Variants in DNAH7 observed in about 807,000 individuals in gnomAD.
The protein encoded by DNAH7 is dynein axonemal heavy chain 7, also known as axonemal beta dynein heavy chain 7.
DNAH7 carries 397 observed loss-of-function variants against 444.6 expected under a neutral mutation model. The observed-to-expected ratio is 0.89, with a 90% CI of 0.82 to 0.97. DNAH7 has a LOEUF of 0.97. Ranked by LOEUF, DNAH7 falls within the 50% of genes least tolerant of loss-of-function variation. The pLI, the probability that DNAH7 is intolerant of heterozygous loss-of-function variation, is 0.00. For missense variants in DNAH7, 4,902 were observed against 4,800.8 expected (o/e 1.02, Z -0.62); for synonymous variants, 1,636 against 1,624.4 (o/e 1.01, Z -0.17).
intron 15 of DNAH7, among the ~76,000 whole-genome samples, chr2:195,975,646 AAAG>A (rs1423979033): frequency 2.6e-5 from 4 of 152,178 alleles, no homozygotes; most frequent in Non-Finnish European, 5.9e-5. Flanking sequence ...TCACTGCTCC[AAAG>A]AAGACCCCTT....
intron 20 of DNAH7, among the ~76,000 whole-genome samples, chr2:195,936,323 A>C (rs989490072): frequency 1.3e-5 from 2 of 152,120 alleles, no homozygotes; most frequent in African/African-American, 4.8e-5. Flanking sequence ...GCAGTGAGCC[A>C]AGGTCGCGCC....
intron 57 of DNAH7, among the ~76,000 whole-genome samples, chr2:195,793,257 G>A (rs1444345315): frequency 6.6e-6 from 1 of 151,982 alleles, no homozygotes. Context: ...TTTTATACTC[G>A]CATTTTTTCT....
chr2:195,868,035 T>G (rs888638434), intron 40 of DNAH7, among the ~76,000 whole-genome samples: 1 of 151,966 alleles, frequency 6.6e-6, no homozygotes, highest in Non-Finnish European at 1.5e-5. Context: ...CTGCCAGCTA[T>G]GTATGAGGGT....
At chr2:195,750,667 G>A (rs995816344) in intron 63 of DNAH7, among the ~76,000 whole-genome samples, 1 of 152,166 alleles carries the variant, frequency 6.6e-6, no homozygotes, top group African/African-American at 2.4e-5. Flanking sequence ...GAGACCTTCA[G>A]CAAGTTACTT....
rs191488112 is a variant in DNAH7 at position 195,820,777 on chromosome 2, C to T, written c.9292-2948G>A. Among the ~76,000 whole-genome samples, 77 of 152,142 alleles carry T rather than the reference C, an allele frequency of 5.1e-4. No individual in the cohort carries two copies. In the East Asian group the frequency reaches 5.4e-3, roughly 11 times the overall value. On this transcript the variant is annotated intron_variant, in intron 49 of 64. Transcript: ENST00000312428. ...GTTTTTTTAAATTAGAATTTTAATT[C>T]GAATCATAAAACATGTGAACTAGGA...
rs777572108 is a variant in DNAH7, at chr2:195,923,665, G to C, written c.3755C>G (p.Ser1252Ter). 8 of 1,613,938 alleles carry C rather than the reference G, an allele frequency of 5.0e-6. No individual in the cohort carries two copies. In the Admixed American group the frequency reaches 1.3e-4, roughly 27 times the overall value. The stretch of plus-strand genomic sequence containing the variant: ...ATCGCTAATATTTTTTTTTACAAGT[G>C]ATGAGAGGACATCTCTAGCATGGAC... Reference protein sequence around the residue: ...LDVHARDVLSSLVKKNISDDS... With the variant: ...LDVHARDVLS The change falls in exon 23 of 65, where the codon TCA becomes TGA. Residue 1252 changes from serine (S) to a stop codon, truncating the protein, a stop_gained. Transcript: ENST00000312428. LOFTEE classifies it high-confidence loss of function.
intron 24 of DNAH7, among the ~76,000 whole-genome samples, chr2:195,913,610 T>C (rs1687488386): frequency 6.6e-6 from 1 of 152,242 alleles, no homozygotes; most frequent in African/African-American, 2.4e-5. Flanking sequence ...AGTCAAAGAA[T>C]ACAGAGCCAG....
In DNAH7 at chr2:195,864,545, C is replaced by T. The variant is rs748552478; in HGVS notation, c.7110G>A (p.Gly2370=). The T allele has an allele frequency of 9.3e-6, 15 of 1,614,026 alleles. No homozygotes were observed. The East Asian group carries it at 2.9e-4, about 31-fold the overall frequency. The part of the protein sequence containing the change: ...YSVFQVEISK[G]YDTTEWHEDL... ...CTTCATGCCATTCAGTAGTATCATA[C>T]CCCTTAGAGATTTCAACTTGGAAAA... Residue 2370 remains glycine (G), a synonymous_variant, in exon 41 of 65, where the codon GGG becomes GGA. Coordinates refer to ENST00000312428, the MANE Select transcript of DNAH7 (RefSeq NM_018897.3).
At position 195,752,045 on chromosome 2, in the gene DNAH7, T is replaced by C. The variant is rs572786581; in HGVS notation, c.11764+2292A>G. On this transcript the variant is annotated intron_variant, in intron 63 of 64. Transcript: ENST00000312428. Reference sequence around the variant, plus strand: ...CAGCACTTTGGGAGCCCAAGGTGAGTGGATTCCTTGAGCTCAGGAGACTGA... The same window carrying C: ...CAGCACTTTGGGAGCCCAAGGTGAGCGGATTCCTTGAGCTCAGGAGACTGA... 1.4e-4 allele frequency among the ~76,000 whole-genome samples: 22 copies of C among 151,730 alleles called. No individual in the cohort carries two copies. In the East Asian group the frequency reaches 4.1e-3, roughly 28 times the overall value.
At chr2:195,844,350 C>G (rs768938806) in intron 47 of DNAH7, among the ~76,000 whole-genome samples, 1 of 152,048 alleles carries the variant, frequency 6.6e-6, no homozygotes, top group Non-Finnish European at 1.5e-5. Context: ...GAAAACTGGC[C>G]GAGTGATAAA....
intron 30 of DNAH7, chr2:195,892,413 T>C (rs1195894347): frequency 6.6e-6 from 1 of 151,986 alleles, no homozygotes; most frequent in Non-Finnish European, 1.5e-5. Context: ...ATTGTCAATT[T>C]TACCCAAAAC....
chr2:195,764,375 G>T (rs1694477411), intron 61 of DNAH7, among the ~76,000 whole-genome samples: 1 of 152,056 alleles, frequency 6.6e-6, no homozygotes, highest in Non-Finnish European at 1.5e-5. Context: ...CAAAGTACTG[G>T]AAGTCCTAGT....
chr2:196,034,476 C>A (rs577166653), intron 5 of DNAH7, among the ~76,000 whole-genome samples: 1 of 152,136 alleles, frequency 6.6e-6, no homozygotes, highest in Admixed American at 6.5e-5. Flanking sequence ...ACAGTCTCAA[C>A]GCAATGCTTT....
intron 21 of DNAH7, among the ~76,000 whole-genome samples, chr2:195,932,257 G>T (rs1283892441): frequency 6.6e-6 from 1 of 152,092 alleles, no homozygotes; most frequent in Non-Finnish European, 1.5e-5. Context: ...TGTGATTTTT[G>T]CACATTGATT....
At chr2:195,815,490 A>G (rs1697177359) in intron 51 of DNAH7, among the ~76,000 whole-genome samples, 1 of 152,202 alleles carries the variant, frequency 6.6e-6, no homozygotes, top group South Asian at 2.1e-4. Context: ...ACTATGATAA[A>G]GGAATTAAAT....
At position 195,777,924 on chromosome 2, in the gene DNAH7, G is replaced by A; in HGVS notation, c.10940C>T (p.Thr3647Ile). 1.2e-6 allele frequency: 2 copies of A among 1,614,114 alleles called. No homozygotes were observed. Among genetic ancestry groups the A allele is most frequent in the East Asian group, 4.5e-5 (2 of 44,872 alleles). ...CAGCGTGCGCCGGTCCCAGTCATCG[G>A]TCACTCTGCCTCCGTAATTGCATTC... ...TGECNYGGRV[T>I]DDWDRRTLRS... Residue 3647 changes from threonine to isoleucine, a missense_variant, in exon 59 of 65, where the codon ACC (threonine) becomes ATC (isoleucine). Thr to Ile is a moderately conservative substitution (Grantham distance 89, BLOSUM62 -1). Coordinates refer to ENST00000312428, the MANE Select transcript of DNAH7 (RefSeq NM_018897.3).
chr2:195,739,716 A>G (rs532195743), intron 64 of DNAH7, among the ~76,000 whole-genome samples: 2 of 152,290 alleles, frequency 1.3e-5, no homozygotes, highest in East Asian at 1.9e-4. Context: ...CCTACTCACC[A>G]AAGTTTATTT....
At chr2:195,777,704 C>G (rs373357327) in intron 59 of DNAH7, 96 bp downstream of exon 59, 272 of 1,303,890 alleles carry the variant, frequency 2.1e-4, no homozygotes, top group Middle Eastern at 1.1e-3. Flanking sequence ...AACAAAAAAA[C>G]AAGGCCTGCA....
intron 36 of DNAH7, among the ~76,000 whole-genome samples, chr2:195,877,692 G>A (rs80070433): frequency 0.011 from 1,605 of 152,284 alleles, 36 homozygotes; most frequent in East Asian, 0.067. Context: ...CCAGGAGTAC[G>A]AGGAGGCAGA....
Sources: allele counts gnomAD v4.1 joint callset (sites outside exome capture counted in the v4.1 genomes callset), GRCh38; gene constraint gnomAD v4.1.1; transcripts MANE v1.5; gene names NCBI Gene and HGNC (gene_info 2026-07-23, HGNC 2026-07-21).